MICU1: variants seen among roughly 807,000 people sequenced by gnomAD.
MICU1 encodes the protein calcium uptake protein 1, mitochondrial.
Under a neutral mutation model 56.8 loss-of-function variants are expected in MICU1, and 45 were observed. The observed-to-expected ratio is 0.79, with a 90% CI of 0.62 to 1.02. MICU1 has a LOEUF of 1.02. MICU1 is among the 50% of genes least tolerant of loss of function. The probability of loss-of-function intolerance (pLI) is 0.00; values close to 1 mark genes in which losing one functional copy is unlikely to be tolerated. For synonymous variants in MICU1, 186 were observed against 195.1 expected (o/e 0.95, Z 0.39); for missense variants, 504 against 587.1 (o/e 0.86, Z 1.46).
At chr10:72,612,825 A>G (rs1278956143) in intron 1 of MICU1, among the ~76,000 whole-genome samples, 1 of 151,922 alleles carries the variant, frequency 6.6e-6, no homozygotes, top group African/African-American at 2.4e-5. Context: ...GTTGGGATGC[A>G]TAGGAAGAAT....
intron 8 of MICU1, among the ~76,000 whole-genome samples, chr10:72,441,776 C>T (rs1375295135): frequency 6.6e-6 from 1 of 151,578 alleles, no homozygotes; most frequent in African/African-American, 2.4e-5. Flanking sequence ...ACCACTATGC[C>T]CAGCTATTTT....
At chr10:72,441,199 A>C (rs555290086) in intron 8 of MICU1, among the ~76,000 whole-genome samples, 33 of 152,300 alleles carry the variant, frequency 2.2e-4, no homozygotes, top group African/African-American at 7.2e-4. Flanking sequence ...GCACATATAC[A>C]CCATGGAATA....
At chr10:72,404,439 A>G (rs1863563545) in intron 10 of MICU1, among the ~76,000 whole-genome samples, 1 of 152,362 alleles carries the variant, frequency 6.6e-6, no homozygotes, top group South Asian at 2.1e-4. Flanking sequence ...GCAGAAATCA[A>G]CTCAATAGGC....
At chr10:72,526,752 T>C (rs1420064442) in intron 5 of MICU1, among the ~76,000 whole-genome samples, 1 of 152,120 alleles carries the variant, frequency 6.6e-6, no homozygotes, top group Non-Finnish European at 1.5e-5. Context: ...GGATTCCAAA[T>C]TATCTTAAAT....
chr10:72,613,186 A>G (rs1841895921), intron 1 of MICU1, among the ~76,000 whole-genome samples: 1 of 151,910 alleles, frequency 6.6e-6, no homozygotes, highest in African/African-American at 2.4e-5. Context: ...ACTTATCTAT[A>G]TGGCTACTCA....
intron 6 of MICU1, among the ~76,000 whole-genome samples, chr10:72,488,509 A>G (rs1267323844): frequency 6.6e-6 from 1 of 152,186 alleles, no homozygotes; most frequent in Non-Finnish European, 1.5e-5. Context: ...AAAGAGAAAA[A>G]TATTATATTA....
chr10:72,480,536 G>A (rs906298550), intron 6 of MICU1, among the ~76,000 whole-genome samples: 2 of 152,142 alleles, frequency 1.3e-5, no homozygotes, highest in African/African-American at 4.8e-5. Context: ...TCAAGAAAAG[G>A]GTAGATTGCA....
At chr10:72,532,585 G>A (rs1839518432) in intron 5 of MICU1, among the ~76,000 whole-genome samples, 2 of 152,120 alleles carry the variant, frequency 1.3e-5, no homozygotes, top group Non-Finnish European at 2.9e-5. Flanking sequence ...CTTTACCATA[G>A]ATAAAGCAGA....
At chr10:72,560,486 C>T (rs770405022) in intron 3 of MICU1, 2 of 152,124 alleles carry the variant, frequency 1.3e-5, no homozygotes, top group Admixed American at 6.5e-5. Context: ...ATCCATGAAA[C>T]AGATATGAAG....
intron 8 of MICU1, among the ~76,000 whole-genome samples, chr10:72,439,383 T>C (rs1293340504): frequency 6.6e-6 from 1 of 152,170 alleles, no homozygotes; most frequent in Non-Finnish European, 1.5e-5. Context: ...ATAAACTAGG[T>C]ACTGATGGAC....
chr10:72,603,069 G>A (rs1246850509), intron 1 of MICU1, among the ~76,000 whole-genome samples: 1 of 152,034 alleles, frequency 6.6e-6, no homozygotes, highest in Admixed American at 6.6e-5. Context: ...ATCCTGTCTT[G>A]CAGTGAGCCG....
chr10:72,535,372 A>G (rs1839607213), intron 4 of MICU1, among the ~76,000 whole-genome samples: 1 of 152,128 alleles, frequency 6.6e-6, no homozygotes, highest in Non-Finnish European at 1.5e-5. Context: ...AGATGAGGAT[A>G]AGGTAACCTC....
intron 4 of MICU1, among the ~76,000 whole-genome samples, chr10:72,539,745 T>C (rs1185397462): frequency 3.9e-5 from 6 of 152,024 alleles, no homozygotes; most frequent in Admixed American, 1.3e-4. Context: ...ATCAAGCAGA[T>C]AGAGAGTAGA....
intron 4 of MICU1, among the ~76,000 whole-genome samples, chr10:72,549,742 C>T (rs1020126867): frequency 8.5e-5 from 13 of 152,056 alleles, no homozygotes; most frequent in Admixed American, 2.6e-4. Context: ...ATCAGCCTGG[C>T]CAACATGGCC....
intron 6 of MICU1, among the ~76,000 whole-genome samples, chr10:72,494,459 C>G (rs973482087): frequency 3.0e-5 from 3 of 99,414 alleles, no homozygotes; most frequent in African/African-American, 9.7e-5. Flanking sequence ...ACTTAAAATT[C>G]ATATTGAACT....
chr10:72,394,746 G>A (rs1863189607), intron 10 of MICU1, among the ~76,000 whole-genome samples: 1 of 152,118 alleles, frequency 6.6e-6, no homozygotes. Context: ...CAAGGCAGAA[G>A]GATCCTGTGA....
rs975676457 is a variant in MICU1, at chr10:72,397,146, T to G, written c.1180+10783A>C. Among the ~76,000 whole-genome samples the G allele has an allele frequency of 1.4e-4, 21 of 152,058 alleles. No individual in the cohort carries two copies. In the East Asian group the frequency reaches 3.3e-3, roughly 24 times the overall value. ...CAATATTCAACATTCTTAAAGAAAA[T>G]AATTTTCAACCCAGAATTTCATATC... On this transcript the variant is annotated intron_variant, in intron 10 of 11. Coordinates refer to ENST00000361114, the MANE Select transcript of MICU1 (RefSeq NM_001195518.2).
intron 8 of MICU1, among the ~76,000 whole-genome samples, chr10:72,425,177 T>TGA (rs1433396070): frequency 6.6e-6 from 1 of 152,242 alleles, no homozygotes; most frequent in East Asian, 1.9e-4. Flanking sequence ...TCAAGGCATG[T>TGA]GAAACAAGGC....
intron 1 of MICU1, among the ~76,000 whole-genome samples, chr10:72,602,468 T>C (rs1841566015): frequency 6.6e-6 from 1 of 151,868 alleles, no homozygotes; most frequent in South Asian, 2.1e-4. Flanking sequence ...AAAAAATTCA[T>C]ACAACCGAAT....
Sources: gnomAD v4.1 joint callset for allele counts (sites outside exome capture counted in the v4.1 genomes callset) on GRCh38, gnomAD v4.1.1 for gene constraint, MANE v1.5 for transcripts, NCBI Gene and HGNC (gene_info 2026-07-23, HGNC 2026-07-21) for gene names.